Variants in DNAH2 observed in about 807,000 individuals in gnomAD.
DNAH2 encodes the protein axonemal beta dynein heavy chain 2.
A neutral mutation model predicts 523.5 loss-of-function variants in DNAH2; 323 were observed. The observed-to-expected ratio is 0.62, with a 90% CI of 0.56 to 0.68. DNAH2 has a LOEUF of 0.68. Among genes scored for constraint, DNAH2 ranks in the 30% least tolerant of loss-of-function variants. The probability of loss-of-function intolerance (pLI) is 0.00; values close to 1 mark genes in which losing one functional copy is unlikely to be tolerated. For missense variants in DNAH2, 4,907 were observed against 5,701.5 expected, an observed-to-expected ratio of 0.86 and a Z score of 4.49; for synonymous variants, 2,093 against 2,177.4, an observed-to-expected ratio of 0.96 and a Z score of 1.08.
intron 10 of DNAH2, 40 bp downstream of exon 10, chr17:7,740,589 G>A (rs750080309): frequency 1.7e-5 from 27 of 1,606,896 alleles, no homozygotes; most frequent in Non-Finnish European, 2.1e-5. Flanking sequence ...CCCGTCCCGC[G>A]TGCTTTCCTG....
rs1041316154 is a variant in DNAH2, at chr17:7,787,118, C to G, written c.6603+85C>G. On this transcript the variant is annotated intron_variant, in intron 42 of 85. Transcript: ENST00000572933. Reference sequence around the variant, plus strand: ...GGGGCTGGGGAGGAGAGCCAGAAATCTCAGAGCAGGGCAGGTTCTGTGGGA... The same window carrying G: ...GGGGCTGGGGAGGAGAGCCAGAAATGTCAGAGCAGGGCAGGTTCTGTGGGA... 2.6e-6 allele frequency: 4 copies of G among 1,536,088 alleles called. No homozygotes were observed. The African/African-American group carries it at 4.1e-5, about 16-fold the overall frequency.
At chr17:7,795,534 T>A (rs1290100974) in intron 49 of DNAH2, among the ~76,000 whole-genome samples, 2 of 149,334 alleles carry the variant, frequency 1.3e-5, no homozygotes, top group Admixed American at 6.7e-5. Context: ...ATTAGCCGGG[T>A]GTGGTGGTGC....
Position 7,828,193 on chromosome 17 carries a change from A to C in DNAH2, c.11854-2107A>C, listed in dbSNP as rs2078073123. Among the ~76,000 whole-genome samples, 1 of 152,154 alleles carries C rather than the reference A, an allele frequency of 6.6e-6. No individual in the cohort carries two copies. Among genetic ancestry groups the C allele is most frequent in the African/African-American group, 2.4e-5 (1 of 41,396 alleles). ...TTCAGCCTCCCAAACTGCTGGGATT[A>C]CAGGTGTAACCCACAGTGCCATGCT... is the stretch of plus-strand genomic sequence containing the variant. On this transcript the variant is annotated intron_variant, in intron 77 of 85. Transcript: ENST00000572933. This position sits in a 1 kb window ranked among gnomAD's most constrained non-coding sequence, Gnocchi z 4.1.
intron 13 of DNAH2, 110 bp downstream of exon 13, chr17:7,757,347 C>A: frequency 7.3e-7 from 1 of 1,367,268 alleles, no homozygotes; most frequent in Non-Finnish European, 9.8e-7. Flanking sequence ...TCCTCTACAT[C>A]TTTTCCATCT....
At chr17:7,804,167 TCGAGACA>T in intron 58 of DNAH2, 82 bp from the exon 59 acceptor site, 2 of 1,374,972 alleles carry the variant, frequency 1.5e-6, no homozygotes, top group Non-Finnish European at 2.0e-6. Flanking sequence ...GAAGGCGGAC[TCGAGACA>T]CACGGGGAAG....
At chr17:7,733,586 TC>T (rs1398452532) in intron 5 of DNAH2, among the ~76,000 whole-genome samples, 1 of 150,738 alleles carries the variant, frequency 6.6e-6, no homozygotes, top group Non-Finnish European at 1.5e-5. Context: ...CAAGCAATTC[TC>T]CTGCCTCAGA....
At position 7,770,568 on chromosome 17, in the gene DNAH2, C is replaced by T. The variant is rs774877753; in HGVS notation, c.4110C>T (p.Asn1370=). ...KELAIEVALQ[N]IAKTWDVTQL... is the part of the protein sequence containing the mutation. The stretch of plus-strand genomic sequence containing the variant: ...ATTTCTCTCCACAGGCTTTACAAAA[C>T]ATTGCCAAGACCTGGGATGTGACTC... The change falls in exon 26 of 86, where the codon AAC becomes AAT. Residue 1370 remains asparagine (N), a synonymous_variant. Coordinates refer to ENST00000572933, the MANE Select transcript of DNAH2 (RefSeq NM_020877.5). The T allele has an allele frequency of 2.5e-6, 4 of 1,614,022 alleles. No homozygotes were observed. Among genetic ancestry groups the T allele is most frequent in the Non-Finnish European group, 3.4e-6 (4 of 1,180,036 alleles).
Position 7,770,292 on chromosome 17 carries a change from G to C in DNAH2, c.3982G>C (p.Asp1328His). 1 of 1,613,674 alleles carries C rather than the reference G, an allele frequency of 6.2e-7. No individual in the cohort carries two copies. Among genetic ancestry groups the C allele is most frequent in the South Asian group, 1.1e-5 (1 of 91,010 alleles). Residue 1328 changes from aspartate to histidine, a missense_variant, in exon 25 of 86, where the codon GAT becomes CAT. By Grantham distance (81) the Asp-to-His change is moderately conservative. Coordinates refer to ENST00000572933, the MANE Select transcript of DNAH2 (RefSeq NM_020877.5). ...CCGGGATGAGATCCAGCGGGAGTTT[G>C]ATCAGGAATCTGAAAGCTTCACCTT... ...QVRDEIQREF[D>H]QESESFTLEQ...
chr17:7,738,474 T>C (rs1410117978), intron 8 of DNAH2, among the ~76,000 whole-genome samples: 2 of 151,982 alleles, frequency 1.3e-5, no homozygotes, highest in African/African-American at 4.8e-5. Flanking sequence ...GGACTACAGG[T>C]GCCCGCCACC....
In DNAH2 at chr17:7,754,979, A is replaced by G. The variant is rs895649136; in HGVS notation, c.1905-2112A>G. 1 of 405,950 alleles carries G rather than the reference A, an allele frequency of 2.5e-6. No individual in the cohort carries two copies. Among genetic ancestry groups the G allele is most frequent in the Middle Eastern group, 6.7e-4 (1 of 1,498 alleles). The allele number at this position is 405,950 out of a possible 1,614,324, so 25.1% of individuals were successfully genotyped here. A position where few individuals can be genotyped will look rare whatever the true frequency, so the allele number is the denominator to read the frequency against. ...AAGCCTGAGGCAGAAAAAAAAAAAA[A>G]AAGAATAGGCAGCCCAGGAAGAAGG... On this transcript the variant is annotated intron_variant, in intron 12 of 85. Transcript: ENST00000572933. This position sits in a 1 kb window ranked among gnomAD's most constrained non-coding sequence, Gnocchi z 4.6.
chr17:7,775,877 T>G, intron 30 of DNAH2, 147 bp from the exon 31 acceptor site: 1 of 1,080,186 alleles, frequency 9.3e-7, no homozygotes, highest in Non-Finnish European at 1.3e-6. Context: ...CCTCCATTTC[T>G]CTCAGGAACG....
At position 7,831,188 on chromosome 17, in the gene DNAH2, T is replaced by C. The variant is rs1381797211; in HGVS notation, c.12333T>C (p.Phe4111=). Reference sequence around the variant, plus strand: ...CTGGCATGGACCCCCCTGAGGCCTTTGGCCAGCACCCCAATGCTGATGTGG... The same window carrying C: ...CTGGCATGGACCCCCCTGAGGCCTTCGGCCAGCACCCCAATGCTGATGTGG... ...LLPGMDPPEA[F]GQHPNADVAS... is the part of the protein sequence containing the mutation. The change falls in exon 80 of 86, where the codon TTT becomes TTC. Residue 4111 remains phenylalanine (F), a synonymous_variant. Coordinates refer to ENST00000572933, the MANE Select transcript of DNAH2 (RefSeq NM_020877.5). This position sits in a 1 kb window ranked among gnomAD's most constrained non-coding sequence, Gnocchi z 4.2. 1 of 1,614,196 alleles carries C rather than the reference T, an allele frequency of 6.2e-7. No individual in the cohort carries two copies. Among genetic ancestry groups the C allele is most frequent in the South Asian group, 1.1e-5 (1 of 91,088 alleles).
rs541639795 is a variant in DNAH2, at chr17:7,790,954, A to T, written c.6901-963A>T. Among the ~76,000 whole-genome samples the T allele has an allele frequency of 8.8e-4, 134 of 151,436 alleles. 1 individual carries two copies. The highest frequency in any genetic ancestry group is 3.1e-3 in the African/African-American group (129 of 41,220). On this transcript the variant is annotated intron_variant, in intron 44 of 85. Transcript: ENST00000572933. ...ACTCCTGGCCTCAAGCAATACTCCCACCTCAGCTTCCCAAAGTGCTGGGAT... is the reference window on the plus strand; with the variant it reads ...ACTCCTGGCCTCAAGCAATACTCCCTCCTCAGCTTCCCAAAGTGCTGGGAT...
Position 7,793,268 on chromosome 17 carries a change from C to T in DNAH2, c.7569+63C>T, listed in dbSNP as rs1193095311. The T allele has an allele frequency of 5.9e-6, 9 of 1,537,204 alleles. No individual in the cohort carries two copies. The East Asian group carries it at 2.0e-4, about 35-fold the overall frequency. On this transcript the variant is annotated intron_variant, in intron 48 of 85. Transcript: ENST00000572933. ...CCTTCTGGGATAGGCTCAGTCCCCA[C>T]TCCACTGGGGCCCCAGGCTATGGTC...
At chr17:7,792,633 G>C (rs201091637) in intron 46 of DNAH2, 24 bp from the exon 47 acceptor site, 2 of 1,603,920 alleles carry the variant, frequency 1.2e-6, no homozygotes, top group East Asian at 4.5e-5. Flanking sequence ...TGGTCCTTGA[G>C]AGCCGGCCCC....
chr17:7,822,105 G>A (rs1352903506), intron 73 of DNAH2, among the ~76,000 whole-genome samples: 2 of 152,076 alleles, frequency 1.3e-5, no homozygotes, highest in African/African-American at 2.4e-5. Flanking sequence ...GGAGTAGCTG[G>A]GACTACAGGC....
chr17:7,733,018 C>T (rs898084478), intron 4 of DNAH2, 69 bp from the exon 5 acceptor site: 35 of 1,530,216 alleles, frequency 2.3e-5, no homozygotes, highest in African/African-American at 1.1e-4. Flanking sequence ...AGAACTCAGC[C>T]GGGCTTTTGT....
At chr17:7,781,991 T>C (rs144951483) in intron 39 of DNAH2, among the ~76,000 whole-genome samples, 3 of 152,304 alleles carry the variant, frequency 2.0e-5, no homozygotes, top group Non-Finnish European at 4.4e-5. Flanking sequence ...AAAAATATAA[T>C]AATAACATCC....
intron 8 of DNAH2, chr17:7,737,866 G>C: frequency 1.5e-6 from 1 of 667,020 alleles, no homozygotes; most frequent in Non-Finnish European, 2.7e-6. Flanking sequence ...AAATTAAGGA[G>C]TAGGGGGCTG....
Sources: gnomAD v4.1 joint callset for allele counts (sites outside exome capture counted in the v4.1 genomes callset) on GRCh38, gnomAD v4.1.1 for gene constraint, Gnocchi (gnomAD v3.1) non-coding constraint, MANE v1.5 for transcripts, NCBI Gene and HGNC (gene_info 2026-07-23, HGNC 2026-07-21) for gene names.